The following TMEM163 variants were observed in gnomAD, a reference collection of about 807,000 sequenced individuals.
TMEM163 encodes transmembrane protein 163.
In TMEM163, 17 loss-of-function variants were observed where a neutral mutation model predicts 29.3. That is an observed-to-expected ratio of 0.58 (90% CI 0.40 to 0.87). TMEM163 has a LOEUF of 0.87. Ranked by LOEUF, TMEM163 falls within the 40% of genes least tolerant of loss-of-function variation. The pLI, the probability that TMEM163 is intolerant of heterozygous loss-of-function variation, is 0.00. For missense variants in TMEM163, 303 were observed against 381.5 expected (o/e 0.79, Z 1.71); for synonymous variants, 157 against 160.6 (o/e 0.98, Z 0.17).
intron 2 of TMEM163, among the ~76,000 whole-genome samples, chr2:134,592,869 G>GAGAT (rs55925415): frequency 3.3e-4 from 49 of 148,202 alleles, no homozygotes; most frequent in South Asian, 1.3e-3. Context: ...TATTAATATA[G>GAGAT]AGATAGATAG....
At chr2:134,650,267 C>A (rs1463549933) in intron 2 of TMEM163, among the ~76,000 whole-genome samples, 1 of 151,342 alleles carries the variant, frequency 6.6e-6, no homozygotes, top group Non-Finnish European at 1.5e-5. Context: ...AACTTCTTAC[C>A]CTTCTCTATC....
intron 4 of TMEM163, among the ~76,000 whole-genome samples, chr2:134,519,960 G>A (rs1164058830): frequency 6.6e-6 from 1 of 151,880 alleles, no homozygotes; most frequent in African/African-American, 2.4e-5. Context: ...TGTGGGGGAG[G>A]GAGGCAAATG....
rs532821123 is a variant in TMEM163, at chr2:134,529,813, A to C, written c.458+20757T>G. Among the ~76,000 whole-genome samples, 4 of 152,240 alleles carry C rather than the reference A, an allele frequency of 2.6e-5. No individual in the cohort carries two copies. The East Asian group carries it at 7.7e-4, about 29-fold the overall frequency. On this transcript the variant is annotated intron_variant, in intron 4 of 7. Coordinates refer to ENST00000281924, the MANE Select transcript of TMEM163 (RefSeq NM_030923.5). The stretch of plus-strand genomic sequence containing the variant: ...TAAATAATGAGTACATACTAATTTT[A>C]AAATCATGAAATGTTATTTAGACTA...
chr2:134,499,610 A>C (rs1033303251), intron 5 of TMEM163, among the ~76,000 whole-genome samples: 15 of 152,230 alleles, frequency 9.9e-5, no homozygotes, highest in African/African-American at 3.1e-4. Context: ...CCAATTGCAC[A>C]GCTCTCTTAC....
At chr2:134,491,954 G>A (rs1037188779) in intron 5 of TMEM163, among the ~76,000 whole-genome samples, 1 of 152,188 alleles carries the variant, frequency 6.6e-6, no homozygotes. Flanking sequence ...GAAAGGATAA[G>A]CTGCCCGTGC....
chr2:134,567,868 A>G (rs1241162204), intron 2 of TMEM163, among the ~76,000 whole-genome samples: 1 of 152,214 alleles, frequency 6.6e-6, no homozygotes, highest in East Asian at 1.9e-4. Flanking sequence ...TCTCTTGGAC[A>G]AGCCCTGGGC....
chr2:134,609,865 C>A (rs893551328), intron 2 of TMEM163, among the ~76,000 whole-genome samples: 1 of 150,538 alleles, frequency 6.6e-6, no homozygotes, highest in Non-Finnish European at 1.5e-5. Context: ...GGACAGATCC[C>A]GAGAACTGTA....
At chr2:134,528,639 T>C (rs1363272424) in intron 4 of TMEM163, among the ~76,000 whole-genome samples, 1 of 152,188 alleles carries the variant, frequency 6.6e-6, no homozygotes, top group Non-Finnish European at 1.5e-5. Flanking sequence ...TGAAAAAAAG[T>C]TGTAATGATA....
intron 5 of TMEM163, among the ~76,000 whole-genome samples, chr2:134,502,394 A>G (rs1427596184): frequency 6.6e-6 from 1 of 152,242 alleles, no homozygotes; most frequent in Admixed American, 6.5e-5. Flanking sequence ...ACTCTCACCC[A>G]GAGGACAAAG....
At chr2:134,635,017 T>A (rs557913020) in intron 2 of TMEM163, among the ~76,000 whole-genome samples, 2 of 152,234 alleles carry the variant, frequency 1.3e-5, no homozygotes, top group Non-Finnish European at 2.9e-5. Context: ...GTGTGCCAAC[T>A]GGGTTCACAT....
At chr2:134,662,577 T>C (rs895243888) in intron 2 of TMEM163, among the ~76,000 whole-genome samples, 1 of 152,210 alleles carries the variant, frequency 6.6e-6, no homozygotes, top group Non-Finnish European at 1.5e-5. Flanking sequence ...GAAAGGTTCA[T>C]AGTGCTTCAT....
At chr2:134,532,244 T>C (rs1680432697) in intron 4 of TMEM163, among the ~76,000 whole-genome samples, 1 of 152,228 alleles carries the variant, frequency 6.6e-6, no homozygotes, top group African/African-American at 2.4e-5. Context: ...GGCCCAGCTA[T>C]TAAAGCTGGA....
At chr2:134,502,865 G>T in intron 5 of TMEM163, 36 bp downstream of exon 5, 1 of 1,599,038 alleles carries the variant, frequency 6.3e-7, no homozygotes, top group African/African-American at 1.3e-5. Context: ...GCCAGCGCTG[G>T]CAGGAAGGAT....
chr2:134,529,294 A>G (rs749590417), intron 4 of TMEM163, among the ~76,000 whole-genome samples: 1 of 152,078 alleles, frequency 6.6e-6, no homozygotes, highest in Non-Finnish European at 1.5e-5. Context: ...TCACGCCACT[A>G]TACTCCAGCC....
chr2:134,619,116 T>C (rs539322015), intron 2 of TMEM163, among the ~76,000 whole-genome samples: 70 of 152,328 alleles, frequency 4.6e-4, no homozygotes, highest in African/African-American at 1.5e-3. Flanking sequence ...GAATTTGTAA[T>C]GAAAAATTTA....
chr2:134,665,874 T>C (rs1683862603), intron 2 of TMEM163, among the ~76,000 whole-genome samples: 1 of 152,180 alleles, frequency 6.6e-6, no homozygotes, highest in Non-Finnish European at 1.5e-5. Context: ...TCCACCTGGC[T>C]TGTGGCAAGC....
chr2:134,522,789 C>T (rs1255479664), intron 4 of TMEM163, among the ~76,000 whole-genome samples: 1 of 152,240 alleles, frequency 6.6e-6, no homozygotes, highest in Non-Finnish European at 1.5e-5. Context: ...GTTACAAGTA[C>T]CCCATTTTTC....
chr2:134,527,329 G>C (rs1361016989), intron 4 of TMEM163, among the ~76,000 whole-genome samples: 1 of 152,092 alleles, frequency 6.6e-6, no homozygotes, highest in Non-Finnish European at 1.5e-5. Flanking sequence ...TATAGAGAGA[G>C]AGAGGAAGGA....
At chr2:134,630,354 C>T (rs1303351618) in intron 2 of TMEM163, among the ~76,000 whole-genome samples, 1 of 15,910 alleles carries the variant, frequency 6.3e-5, no homozygotes, top group Non-Finnish European at 1.0e-4. Context: ...AGCTTATTTC[C>T]AAAAAGAAAA....
Sources: allele counts gnomAD v4.1 joint callset (sites outside exome capture counted in the v4.1 genomes callset), GRCh38; gene constraint gnomAD v4.1.1; transcripts MANE v1.5; gene names NCBI Gene and HGNC (gene_info 2026-07-23, HGNC 2026-07-21).